The following CWC27 variants were observed in gnomAD, a reference collection of about 807,000 sequenced individuals.
The protein encoded by CWC27 is CWC27 spliceosome associated cyclophilin, also known as spliceosome-associated protein CWC27 homolog.
A neutral mutation model predicts 63.6 loss-of-function variants in CWC27; 47 were observed. The observed-to-expected ratio is 0.74, with a 90% CI of 0.58 to 0.94. The LOEUF (loss-of-function observed/expected upper bound fraction) is 0.94. Among genes scored for constraint, CWC27 ranks in the 40% least tolerant of loss-of-function variants. The probability of loss-of-function intolerance (pLI) is 0.00; values close to 1 mark genes in which losing one functional copy is unlikely to be tolerated. For missense variants in CWC27, 495 were observed against 554.3 expected (o/e 0.89, Z 1.07); for synonymous variants, 175 against 179.8 (o/e 0.97, Z 0.22).
chr5:64,851,991 G>C (rs999025534), intron 10 of CWC27, among the ~76,000 whole-genome samples: 5 of 152,102 alleles, frequency 3.3e-5, no homozygotes, highest in Non-Finnish European at 7.4e-5. Flanking sequence ...TTTCAGAAAA[G>C]TTTATAAACA....
At chr5:64,973,827 G>C (rs1193255147) in intron 12 of CWC27, among the ~76,000 whole-genome samples, 1 of 152,154 alleles carries the variant, frequency 6.6e-6, no homozygotes, top group African/African-American at 2.4e-5. Context: ...TCCAGGTCTA[G>C]TATAATTTTC....
intron 11 of CWC27, among the ~76,000 whole-genome samples, chr5:64,906,564 A>T (rs1287845203): frequency 6.6e-6 from 1 of 152,028 alleles, no homozygotes; most frequent in Non-Finnish European, 1.5e-5. Context: ...TAGATTCTGG[A>T]TATTAGCCCT....
At chr5:64,972,974 T>C (rs1337058819) in intron 12 of CWC27, among the ~76,000 whole-genome samples, 1 of 152,100 alleles carries the variant, frequency 6.6e-6, no homozygotes, top group Non-Finnish European at 1.5e-5. Flanking sequence ...TTACATGGCT[T>C]AAGAATCTGG....
At chr5:64,868,526 C>T (rs1369767530) in intron 10 of CWC27, among the ~76,000 whole-genome samples, 1 of 152,008 alleles carries the variant, frequency 6.6e-6, no homozygotes, top group Non-Finnish European at 1.5e-5. Flanking sequence ...GTCCCCAAAG[C>T]AGCATTCTGT....
chr5:64,970,739 G>A (rs549149373), intron 11 of CWC27, among the ~76,000 whole-genome samples: 12 of 152,164 alleles, frequency 7.9e-5, no homozygotes, highest in Admixed American at 2.0e-4. Flanking sequence ...ACCACAAAAA[G>A]ATAACTTGTT....
chr5:64,772,936 CAAA>C (rs111700463), intron 1 of CWC27, among the ~76,000 whole-genome samples: 1 of 119,756 alleles, frequency 8.4e-6, no homozygotes, highest in African/African-American at 3.1e-5. Context: ...GACTCTGTCT[CAAA>C]AAAAAAAAAA....
chr5:64,785,548 C>A lies in CWC27; in HGVS notation c.464C>A (p.Pro155Gln). ...SEVDIDDDER[P>Q]HNPHKIKSCE... ...GTAGACATTGATGATGACGAAAGAC[C>A]ACATAATCCACACAAAATAAAAAGC... Residue 155 changes from proline (P) to glutamine (Q), a missense_variant, in exon 5 of 14, where the codon CCA becomes CAA. Pro to Gln is a moderately conservative substitution (Grantham distance 76, BLOSUM62 -1). Coordinates refer to ENST00000381070, the MANE Select transcript of CWC27 (RefSeq NM_005869.4). The A allele has an allele frequency of 6.3e-7, 1 of 1,591,718 alleles. No individual in the cohort carries two copies. Among genetic ancestry groups the A allele is most frequent in the Non-Finnish European group, 8.5e-7 (1 of 1,171,318 alleles).
intron 11 of CWC27, among the ~76,000 whole-genome samples, chr5:64,912,549 A>G (rs1747812766): frequency 6.6e-6 from 1 of 152,172 alleles, no homozygotes; most frequent in Non-Finnish European, 1.5e-5. Context: ...AACTTAGTGC[A>G]GTAGAAAAAA....
intron 7 of CWC27, among the ~76,000 whole-genome samples, chr5:64,793,837 T>G (rs900999439): frequency 3.9e-5 from 6 of 152,154 alleles, no homozygotes; most frequent in African/African-American, 1.4e-4. Flanking sequence ...AGTTAATAAT[T>G]GGTAAAGTCT....
At chr5:64,774,618 A>G in intron 1 of CWC27, 73 bp from the exon 2 acceptor site, 1 of 886,838 alleles carries the variant, frequency 1.1e-6, no homozygotes, top group Non-Finnish European at 1.6e-6. Flanking sequence ...AGTGATTGCT[A>G]CAAGTCAAAT....
intron 1 of CWC27, 40 bp from the exon 2 acceptor site, chr5:64,774,651 C>T (rs568023065): frequency 2.3e-5 from 29 of 1,238,520 alleles, no homozygotes; most frequent in Non-Finnish European, 2.8e-5. Context: ...GATTATTAAG[C>T]AAAATAATAA....
intron 10 of CWC27, among the ~76,000 whole-genome samples, chr5:64,824,269 C>T (rs768216921): frequency 5.3e-5 from 8 of 152,190 alleles, no homozygotes; most frequent in South Asian, 2.1e-4. Context: ...TAAAAGAAAG[C>T]ATTGGTAATA....
Position 65,018,509 on chromosome 5 carries a change from G to T in CWC27, c.*188G>T. 6.6e-6 allele frequency: 3 copies of T among 455,426 alleles called. No homozygotes were observed. Among genetic ancestry groups the T allele is most frequent in the South Asian group, 4.6e-5 (1 of 21,670 alleles). 28.2% of individuals were successfully genotyped at this position (455,426 alleles called of 1,614,324 possible). On this transcript the variant is annotated 3_prime_UTR_variant, in exon 14 of 14. Transcript: ENST00000381070. ...ATGTAAGCAAATGCTTTTGGTTACT[G>T]GTACATGTGTTTTTTCCTAGCTGAC...
intron 11 of CWC27, among the ~76,000 whole-genome samples, chr5:64,941,989 C>A (rs1483039522): frequency 6.6e-6 from 1 of 151,792 alleles, no homozygotes; most frequent in Non-Finnish European, 1.5e-5. Flanking sequence ...AGGCAGTCAG[C>A]AAATTATAAC....
At position 64,856,158 on chromosome 5, in the gene CWC27, T is replaced by C. The variant is rs761773240; in HGVS notation, c.939-29285T>C. Reference sequence around the variant, plus strand: ...ACTCATTTTCTTTTGAAAAAGCAAATAGATGTCTTTTCATGGGCCAATTTT... The same window carrying C: ...ACTCATTTTCTTTTGAAAAAGCAAACAGATGTCTTTTCATGGGCCAATTTT... On this transcript the variant is annotated intron_variant, in intron 10 of 13. Transcript: ENST00000381070. 4.9e-4 allele frequency among the ~76,000 whole-genome samples: 75 copies of C among 152,188 alleles called. 2 individuals are homozygous for C. The highest frequency in any genetic ancestry group is 6.8e-3 in the Middle Eastern group (2 of 294).
At chr5:64,819,357 G>A (rs1180047126) in intron 10 of CWC27, among the ~76,000 whole-genome samples, 4 of 151,936 alleles carry the variant, frequency 2.6e-5, no homozygotes, top group Non-Finnish European at 2.9e-5. Flanking sequence ...GTGTACCCCC[G>A]AACCTAAAAT....
chr5:64,981,606 T>C (rs987935681), intron 13 of CWC27, among the ~76,000 whole-genome samples: 1 of 152,224 alleles, frequency 6.6e-6, no homozygotes, highest in African/African-American at 2.4e-5. Context: ...TTCTGCTAAA[T>C]ATTTTCAAAT....
chr5:64,953,729 A>G (rs1474364055), intron 11 of CWC27, among the ~76,000 whole-genome samples: 2 of 152,200 alleles, frequency 1.3e-5, no homozygotes, highest in African/African-American at 2.4e-5. Context: ...GTGTTTTTGT[A>G]ATACAGAGTT....
intron 11 of CWC27, among the ~76,000 whole-genome samples, chr5:64,917,688 G>T (rs1561156023): frequency 1.3e-5 from 2 of 152,150 alleles, no homozygotes; most frequent in African/African-American, 4.8e-5. Flanking sequence ...AACTCCATCT[G>T]CCTATCTTCT....
Sources: gnomAD v4.1 joint callset for allele counts (sites outside exome capture counted in the v4.1 genomes callset) on GRCh38, gnomAD v4.1.1 for gene constraint, MANE v1.5 for transcripts, NCBI Gene and HGNC (gene_info 2026-07-23, HGNC 2026-07-21) for gene names.